FBXO36: variants seen among roughly 807,000 people sequenced by gnomAD.
The protein encoded by FBXO36 is F-box only protein 36.
A neutral mutation model predicts 17.0 loss-of-function variants in FBXO36; 18 were observed. The ratio of observed to expected loss-of-function variants is 1.06; its 90% CI spans 0.73 to 1.57. The LOEUF (loss-of-function observed/expected upper bound fraction) is 1.57. Ranked by LOEUF, FBXO36 falls within the 40% of genes most tolerant of loss-of-function variation. The probability of loss-of-function intolerance (pLI) is 0.00; values close to 1 mark genes in which losing one functional copy is unlikely to be tolerated. For synonymous variants in FBXO36, 83 were observed against 85.3 expected (o/e 0.97, Z 0.15); for missense variants, 229 against 221.9 (o/e 1.03, Z -0.20).
chr2:229,969,198 C>G (rs7590645), intron 1 of FBXO36, among the ~76,000 whole-genome samples: 5,437 of 151,912 alleles, frequency 0.036, 332 homozygotes, highest in African/African-American at 0.12. Context: ...TAGAATTCTA[C>G]CAAGATCAAA....
At chr2:229,931,126 T>C (rs1224864944) in intron 1 of FBXO36, among the ~76,000 whole-genome samples, 1 of 152,244 alleles carries the variant, frequency 6.6e-6, no homozygotes, top group Non-Finnish European at 1.5e-5. Context: ...GGCACTTTTC[T>C]GAGGAGAGGG....
intron 2 of FBXO36, among the ~76,000 whole-genome samples, chr2:229,980,458 C>T (rs2077232702): frequency 6.6e-6 from 1 of 152,118 alleles, no homozygotes; most frequent in South Asian, 2.1e-4. Flanking sequence ...TTCTGATTGT[C>T]TTCCACAAAA....
At chr2:229,965,564 C>T (rs2077147921) in intron 1 of FBXO36, among the ~76,000 whole-genome samples, 1 of 148,652 alleles carries the variant, frequency 6.7e-6, no homozygotes, top group South Asian at 2.2e-4. Flanking sequence ...GTGATGTTCC[C>T]CTTCCTGTGT....
intron 1 of FBXO36, among the ~76,000 whole-genome samples, chr2:229,965,240 A>T (rs1407672830): frequency 1.4e-5 from 2 of 144,902 alleles, no homozygotes; most frequent in Admixed American, 1.5e-4. Flanking sequence ...TCAGCCTCCC[A>T]AAGTGTTGGG....
At chr2:229,926,741 A>C (rs1046297176) in intron 1 of FBXO36, among the ~76,000 whole-genome samples, 5 of 152,144 alleles carry the variant, frequency 3.3e-5, no homozygotes, top group South Asian at 2.1e-4. Context: ...CAAAAACAAA[A>C]AAAAAAATAC....
intron 2 of FBXO36, among the ~76,000 whole-genome samples, chr2:229,988,142 A>C (rs974166243): frequency 4.4e-4 from 67 of 152,128 alleles, no homozygotes; most frequent in African/African-American, 1.6e-3. Context: ...GAGATTTCTT[A>C]GTTACTTTTT....
chr2:229,983,172 T>C (rs2077249831), intron 2 of FBXO36, among the ~76,000 whole-genome samples: 1 of 151,912 alleles, frequency 6.6e-6, no homozygotes, highest in African/African-American at 2.4e-5. Context: ...GGCCGGGAGT[T>C]CGAGACCAGC....
chr2:229,933,522 A>G (rs1186056657), intron 1 of FBXO36, among the ~76,000 whole-genome samples: 1 of 152,170 alleles, frequency 6.6e-6, no homozygotes, highest in Non-Finnish European at 1.5e-5. Context: ...TATAGTGAGA[A>G]CCAGATGTAT....
At position 229,933,582 on chromosome 2, in the gene FBXO36, G is replaced by A. The variant is rs143453019; in HGVS notation, c.96+10973G>A. ...TTCTCAAAGAGAAGCATCATGAGCC[G>A]GGTGCAGGGGTGCGAGCCTATAGTC... On this transcript the variant is annotated intron_variant, in intron 1 of 3. Coordinates refer to ENST00000283946, the MANE Select transcript of FBXO36 (RefSeq NM_174899.5). Among the ~76,000 whole-genome samples the A allele has an allele frequency of 2.4e-3, 359 of 152,258 alleles. 1 individual carries two copies. The highest frequency in any genetic ancestry group is 8.0e-3 in the African/African-American group (334 of 41,544).
At chr2:230,002,526 G>T (rs1369141779) in intron 3 of FBXO36, among the ~76,000 whole-genome samples, 2 of 152,044 alleles carry the variant, frequency 1.3e-5, no homozygotes, top group African/African-American at 2.4e-5. Flanking sequence ...TGGGACTACA[G>T]GCCTGCGCCA....
In FBXO36 at chr2:230,011,836, A is replaced by T. The variant is rs141490716; in HGVS notation, c.*952A>T. 2.8e-4 allele frequency: 42 copies of T among 152,148 alleles called. No homozygotes were observed. The East Asian group carries it at 7.7e-3, about 28-fold the overall frequency. The allele number at this position is 152,148 out of a possible 1,614,324, so 9.4% of individuals were successfully genotyped here. ...TTAACAAGGATATTTAAGAAAACAG[A>T]CTATGAGTTAACTAAGTAAAAATGT... On this transcript the variant is annotated 3_prime_UTR_variant, in exon 4 of 4. Coordinates refer to ENST00000283946, the MANE Select transcript of FBXO36 (RefSeq NM_174899.5).
intron 3 of FBXO36, among the ~76,000 whole-genome samples, chr2:230,001,850 C>A (rs979694329): frequency 6.6e-6 from 1 of 152,100 alleles, no homozygotes; most frequent in Non-Finnish European, 1.5e-5. Flanking sequence ...GACAAAGTCA[C>A]TCCATCACCC....
chr2:229,980,757 C>G (rs1025646399), intron 2 of FBXO36, among the ~76,000 whole-genome samples: 8 of 152,066 alleles, frequency 5.3e-5, no homozygotes, highest in East Asian at 1.9e-4. Context: ...TGGCTGTGTT[C>G]CTGCTGGACA....
At chr2:230,005,973 G>A (rs902841158) in intron 3 of FBXO36, among the ~76,000 whole-genome samples, 1 of 151,970 alleles carries the variant, frequency 6.6e-6, no homozygotes, top group Non-Finnish European at 1.5e-5. Context: ...CAGCCCATAA[G>A]AACATTTATT....
rs546084525 is a variant in FBXO36, at chr2:229,964,281, G to A, written c.97-11960G>A. Among the ~76,000 whole-genome samples the A allele has an allele frequency of 1.8e-4, 27 of 152,036 alleles. No individual in the cohort carries two copies. The South Asian group carries it at 5.6e-3, about 32-fold the overall frequency. On this transcript the variant is annotated intron_variant, in intron 1 of 3. Transcript: ENST00000283946. The stretch of plus-strand genomic sequence containing the variant: ...CATGAATTTAAAAAAATGTATAACC[G>A]CCATCATTATCAAGATACAGACTAT...
chr2:229,925,021 C>T (rs879399771), intron 1 of FBXO36, among the ~76,000 whole-genome samples: 6 of 152,012 alleles, frequency 3.9e-5, no homozygotes, highest in Admixed American at 6.6e-5. Flanking sequence ...TGAGCCACCG[C>T]GCCCGGCCCT....
chr2:229,932,423 G>A (rs763633713), intron 1 of FBXO36, among the ~76,000 whole-genome samples: 11 of 152,074 alleles, frequency 7.2e-5, no homozygotes, highest in Non-Finnish European at 8.8e-5. Flanking sequence ...AGAGGGCTGA[G>A]GCAGGAGAAT....
At chr2:229,929,872 A>G (rs1363626495) in intron 1 of FBXO36, among the ~76,000 whole-genome samples, 1 of 152,186 alleles carries the variant, frequency 6.6e-6, no homozygotes, top group Non-Finnish European at 1.5e-5. Context: ...AAAAGAAAGA[A>G]TATTTTGCAG....
At chr2:229,983,103 C>T (rs2077249357) in intron 2 of FBXO36, among the ~76,000 whole-genome samples, 1 of 152,034 alleles carries the variant, frequency 6.6e-6, no homozygotes, top group African/African-American at 2.4e-5. Context: ...CTGCCGGGCG[C>T]GGTGGCTCAT....
Sources: allele counts gnomAD v4.1 joint callset (sites outside exome capture counted in the v4.1 genomes callset), GRCh38; gene constraint gnomAD v4.1.1; transcripts MANE v1.5; gene names NCBI Gene and HGNC (gene_info 2026-07-23, HGNC 2026-07-21).